The following JCAD variants were observed in gnomAD, a reference collection of about 807,000 sequenced individuals.
JCAD encodes junctional cadherin 5 associated.
In JCAD, 40 loss-of-function variants were observed where a neutral mutation model predicts 98.0. That is an observed-to-expected ratio of 0.41 (90% CI 0.32 to 0.53). The LOEUF is 0.53. Ranked by LOEUF, JCAD falls within the 20% of genes least tolerant of loss-of-function variation. The pLI is 0.31. For missense variants in JCAD, 1,705 were observed against 1,738.1 expected, an observed-to-expected ratio of 0.98 and a Z score of 0.34; for synonymous variants, 691 against 682.3, an observed-to-expected ratio of 1.01 and a Z score of -0.20.
chr10:30,084,567 C>G (rs1838137039), intron 1 of JCAD, among the ~76,000 whole-genome samples: 1 of 152,190 alleles, frequency 6.6e-6, no homozygotes, highest in South Asian at 2.1e-4. Context: ...GAGAATTCCT[C>G]TTGCCTGACT....
chr10:30,074,070 G>A (rs1837940238), intron 1 of JCAD, among the ~76,000 whole-genome samples: 1 of 152,184 alleles, frequency 6.6e-6, no homozygotes, highest in Non-Finnish European at 1.5e-5. Flanking sequence ...GGCTTTTACA[G>A]TGTAGAAGAG....
intron 1 of JCAD, among the ~76,000 whole-genome samples, chr10:30,071,183 G>A (rs1380414397): frequency 6.6e-6 from 1 of 152,166 alleles, no homozygotes; most frequent in African/African-American, 2.4e-5. Flanking sequence ...GGGATTACAG[G>A]CATAAGCCAC....
At chr10:30,023,269 C>T (rs1836704533) in intron 3 of JCAD, among the ~76,000 whole-genome samples, 1 of 152,136 alleles carries the variant, frequency 6.6e-6, no homozygotes, top group African/African-American at 2.4e-5. Context: ...AACTCCTGAC[C>T]TCAAGTGATC....
intron 2 of JCAD, among the ~76,000 whole-genome samples, chr10:30,033,963 C>A (rs1837056487): frequency 6.6e-6 from 1 of 152,152 alleles, no homozygotes; most frequent in African/African-American, 2.4e-5. Context: ...GTGGCTCATG[C>A]CTGTTATCCT....
At chr10:30,113,909 T>A (rs1458796731) in intron 1 of JCAD, among the ~76,000 whole-genome samples, 5 of 152,188 alleles carry the variant, frequency 3.3e-5, no homozygotes, top group Non-Finnish European at 7.3e-5. Context: ...TGGATCTTGC[T>A]ATGTTGCCCA....
upstream of JCAD, among the ~76,000 whole-genome samples, chr10:30,062,270 T>C (rs913540873): frequency 1.3e-5 from 2 of 152,198 alleles, no homozygotes; most frequent in Non-Finnish European, 2.9e-5. Flanking sequence ...TTCAAGATGC[T>C]TGTAGTTTCT....
chr10:30,093,426 T>C (rs1342622668), intron 1 of JCAD, among the ~76,000 whole-genome samples: 2 of 152,258 alleles, frequency 1.3e-5, no homozygotes, highest in African/African-American at 4.8e-5. Context: ...AATTTGAAAC[T>C]GGCATTTCAG....
intron 2 of JCAD, among the ~76,000 whole-genome samples, chr10:30,031,256 A>G (rs556954779): frequency 6.6e-6 from 1 of 152,060 alleles, no homozygotes; most frequent in East Asian, 1.9e-4. Flanking sequence ...CCTCCCAAGT[A>G]GCTGGGACTG....
rs1435986030 is a variant in JCAD at position 30,013,121 on chromosome 10, G to A, written c.*4762C>T. The A allele has an allele frequency of 6.6e-6, 1 of 152,156 alleles. No homozygotes were observed. The highest frequency in any genetic ancestry group is 1.5e-5 in the Non-Finnish European group (1 of 68,092). 9.4% of individuals were successfully genotyped at this position (152,156 alleles called of 1,614,324 possible). A position where few individuals can be genotyped will look rare whatever the true frequency, so the allele number is the denominator to read the frequency against. On this transcript the variant is annotated 3_prime_UTR_variant, in exon 4 of 4. Transcript: ENST00000375377. ...CTTTCTACCTGTCTTAGGTATTAATGGTGCCCAAAGAAAAAATGAAGAGAT... is the reference window on the plus strand; with the variant it reads ...CTTTCTACCTGTCTTAGGTATTAATAGTGCCCAAAGAAAAAATGAAGAGAT...
At chr10:30,022,301 A>C (rs1158332748) in intron 3 of JCAD, among the ~76,000 whole-genome samples, 4 of 152,332 alleles carry the variant, frequency 2.6e-5, no homozygotes, top group Admixed American at 1.3e-4. Context: ...CTTGTGTTAC[A>C]GTGCCAGAAC....
chr10:30,058,057 C>T (rs1188746709), intron 1 of JCAD, among the ~76,000 whole-genome samples: 2 of 152,184 alleles, frequency 1.3e-5, no homozygotes, highest in Non-Finnish European at 2.9e-5. Context: ...CAGTTCACAC[C>T]ATGCAGACTG....
Position 30,026,113 on chromosome 10 carries a change from G to A in JCAD, c.4035C>T (p.Phe1345=). The A allele has an allele frequency of 3.1e-6, 5 of 1,614,172 alleles. No individual in the cohort carries two copies. Among genetic ancestry groups the A allele is most frequent in the Non-Finnish European group, 4.2e-6 (5 of 1,180,040 alleles). The change falls in exon 3 of 4, where the codon TTC becomes TTT. Residue 1345 remains phenylalanine (F), a synonymous_variant. Coordinates refer to ENST00000375377, the MANE Select transcript of JCAD (RefSeq NM_020848.4). ...AQKEKSMDQD[F]WCPDSYDPSR... is the part of the protein sequence containing the mutation. ...TGCCTGATTCCTCACCTGGGCACCAGAAGTCTTGATCCATGCTCTTCTCCT... is the reference window on the plus strand; with the variant it reads ...TGCCTGATTCCTCACCTGGGCACCAAAAGTCTTGATCCATGCTCTTCTCCT...
chr10:30,065,856 T>C (rs1425978755), intron 2 of JCAD, among the ~76,000 whole-genome samples: 1 of 152,096 alleles, frequency 6.6e-6, no homozygotes, highest in Non-Finnish European at 1.5e-5. Context: ...GTCTGCTCCA[T>C]GGACCACCTA....
At chr10:30,041,240 A>G (rs1353171451) in intron 2 of JCAD, among the ~76,000 whole-genome samples, 3 of 152,060 alleles carry the variant, frequency 2.0e-5, no homozygotes, top group East Asian at 3.9e-4. Context: ...CAGTGAGGGA[A>G]GAGGCGGCCT....
In JCAD at chr10:30,093,771, G is replaced by C. The variant is rs1477352587; in HGVS notation, n.128+21596C>G. Among the ~76,000 whole-genome samples, 8 of 152,096 alleles carry C rather than the reference G, an allele frequency of 5.3e-5. No homozygotes were observed. In the South Asian group the frequency reaches 1.0e-3, roughly 20 times the overall value. On this transcript the variant is annotated intron_variant and non_coding_transcript_variant, in intron 1 of 2. Coordinates refer to the JCAD transcript ENST00000465712. Reference sequence around the variant, plus strand: ...TTTGCAGATCCAAGTCCTTTTGCAAGAGAGTCACGGGAATCCCGGGGATAG... The same window carrying C: ...TTTGCAGATCCAAGTCCTTTTGCAACAGAGTCACGGGAATCCCGGGGATAG...
At chr10:30,070,001 A>G (rs1162447393) in intron 1 of JCAD, among the ~76,000 whole-genome samples, 1 of 152,150 alleles carries the variant, frequency 6.6e-6, no homozygotes, top group African/African-American at 2.4e-5. Context: ...AATGACATGT[A>G]TATCAAGCAG....
chr10:30,017,506 C>G lies in JCAD; in HGVS notation c.*377G>C. On this transcript the variant is annotated 3_prime_UTR_variant, in exon 4 of 4. Coordinates refer to ENST00000375377, the MANE Select transcript of JCAD (RefSeq NM_020848.4). ...GAGACACAGAGGGGAGCACACCATT[C>G]ACAGGCCTTTCCAAAGCATTTGCTA... is the stretch of plus-strand genomic sequence containing the variant. 2 of 322,376 alleles carry G rather than the reference C, an allele frequency of 6.2e-6. No homozygotes were observed. The highest frequency in any genetic ancestry group is 1.2e-5 in the Non-Finnish European group (2 of 172,932). The allele number at this position is 322,376 out of a possible 1,614,324, so 20.0% of individuals were successfully genotyped here. A position where few individuals can be genotyped will look rare whatever the true frequency, so the allele number is the denominator to read the frequency against.
chr10:30,112,279 G>C (rs987661413), intron 1 of JCAD, among the ~76,000 whole-genome samples: 11 of 151,996 alleles, frequency 7.2e-5, no homozygotes, highest in Non-Finnish European at 1.5e-4. Context: ...TTCAAGACCA[G>C]CCTGGGCAAC....
chr10:30,034,244 A>G (rs866700155), intron 2 of JCAD, among the ~76,000 whole-genome samples: 1 of 151,170 alleles, frequency 6.6e-6, no homozygotes, highest in Non-Finnish European at 1.5e-5. Context: ...TAATAATAAT[A>G]ATAATGATAA....
Sources: gnomAD v4.1 joint callset for allele counts (sites outside exome capture counted in the v4.1 genomes callset) on GRCh38, gnomAD v4.1.1 for gene constraint, MANE v1.5 for transcripts, NCBI Gene and HGNC (gene_info 2026-07-23, HGNC 2026-07-21) for gene names.